Variants in KCNQ1 observed in about 807,000 individuals in gnomAD.
The protein encoded by KCNQ1 is potassium voltage-gated channel subfamily KQT member 1.
In KCNQ1, 49 loss-of-function variants were observed where a neutral mutation model predicts 72.4. The observed-to-expected ratio is 0.68, with a 90% CI of 0.54 to 0.86. The LOEUF is 0.86. Among genes scored for constraint, KCNQ1 ranks in the 40% least tolerant of loss-of-function variants. The probability of loss-of-function intolerance (pLI) is 0.00; values close to 1 mark genes in which losing one functional copy is unlikely to be tolerated. For missense variants in KCNQ1, 790 were observed against 945.1 expected, an observed-to-expected ratio of 0.84 and a Z score of 2.15; for synonymous variants, 450 against 412.6, an observed-to-expected ratio of 1.09 and a Z score of -1.10.
At position 2,723,226 on chromosome 11, in the gene KCNQ1, C is replaced by G. The variant is rs1297300928; in HGVS notation, c.1515-45618C>G. ...GTGCTCCACACACCTGCCACAGCTGCTTACCCCACTCCCTGCCGCCCTGGA... is the reference window on the plus strand; with the variant it reads ...GTGCTCCACACACCTGCCACAGCTGGTTACCCCACTCCCTGCCGCCCTGGA... On this transcript the variant is annotated intron_variant, in intron 11 of 15. Coordinates refer to ENST00000155840, the MANE Select transcript of KCNQ1 (RefSeq NM_000218.3). This position sits in a 1 kb window ranked among gnomAD's most constrained non-coding sequence, Gnocchi z 4.2. Among the ~76,000 whole-genome samples, 1 of 152,246 alleles carries G rather than the reference C, an allele frequency of 6.6e-6. No individual in the cohort carries two copies. Among genetic ancestry groups the G allele is most frequent in the Non-Finnish European group, 1.5e-5 (1 of 68,048 alleles).
chr11:2,641,101 C>G (rs1052329061), intron 10 of KCNQ1: 38 of 398,272 alleles, frequency 9.5e-5, no homozygotes, highest in Admixed American at 6.2e-4. Flanking sequence ...CATATCTTTG[C>G]TGTTGTGAAT....
chr11:2,646,451 T>C (rs1297413326), intron 10 of KCNQ1: 2 of 398,544 alleles, frequency 5.0e-6, no homozygotes, highest in Non-Finnish European at 8.8e-6. Flanking sequence ...TTTTTGTAGC[T>C]ATTGCAAATG....
rs1303594642 is a variant in KCNQ1 at position 2,515,441 on chromosome 11, CT to C, written c.387-12486del. Among the ~76,000 whole-genome samples the C allele has an allele frequency of 4.6e-5, 7 of 152,194 alleles. No homozygotes were observed. The highest frequency in any genetic ancestry group is 1.7e-4 in the African/African-American group (7 of 41,452). On this transcript the variant is annotated intron_variant, in intron 1 of 15. Coordinates refer to ENST00000155840, the MANE Select transcript of KCNQ1 (RefSeq NM_000218.3). The surrounding 1 kb of genome is among the most constrained non-coding windows in gnomAD (Gnocchi z 4.7). ...CAGGGGCGGGGAGGCCTGTCCACCC[CT>C]CCCACCCGTCCCCGAGGCCCCTGCT...
rs186210590 is a variant in KCNQ1 at position 2,791,194 on chromosome 11, G to A, written c.1794+13157G>A. Among the ~76,000 whole-genome samples, 575 of 152,394 alleles carry A rather than the reference G, an allele frequency of 3.8e-3. 2 individuals carry two copies. Among genetic ancestry groups the A allele is most frequent in the Non-Finnish European group, 6.6e-3 (450 of 68,038 alleles). ...TGGGATAGGACAGCAGGCGGCAGGG[G>A]CGTGTCAGGTGCCCGAGCAGGACGG... is the stretch of plus-strand genomic sequence containing the variant. On this transcript the variant is annotated intron_variant, in intron 15 of 15. Transcript: ENST00000155840.
intron 10 of KCNQ1, chr11:2,625,447 T>C (rs796969270): frequency 5.0e-6 from 2 of 398,560 alleles, no homozygotes; most frequent in African/African-American, 4.1e-5. Flanking sequence ...TTAATAGTAG[T>C]CATCTGAGTG....
intron 10 of KCNQ1, chr11:2,618,727 A>G (rs547001573): frequency 7.8e-5 from 31 of 398,376 alleles, no homozygotes; most frequent in Non-Finnish European, 1.3e-4. Flanking sequence ...AAAATTTTCC[A>G]TGGGATTTTG....
rs1401582042 is a variant in KCNQ1, at chr11:2,555,427, G to A, written c.478-15201G>A. Among the ~76,000 whole-genome samples, 3 of 152,220 alleles carry A rather than the reference G, an allele frequency of 2.0e-5. No individual in the cohort carries two copies. The East Asian group carries it at 5.8e-4, about 29-fold the overall frequency. ...TCCTCGTTTAACTGGCCTGGAGACG[G>A]AAACAGCCCTGCCTGGGGAAGATGG... On this transcript the variant is annotated intron_variant, in intron 2 of 15. Coordinates refer to ENST00000155840, the MANE Select transcript of KCNQ1 (RefSeq NM_000218.3).
rs1221367269 is a variant in KCNQ1, at chr11:2,678,071, A to T, written c.1514+15990A>T. On this transcript the variant is annotated intron_variant, in intron 11 of 15. Coordinates refer to ENST00000155840, the MANE Select transcript of KCNQ1 (RefSeq NM_000218.3). This position sits in a 1 kb window ranked among gnomAD's most constrained non-coding sequence, Gnocchi z 4.9. ...CTTCATACCCTTTGGACTTTGTAAA[A>T]TACCTTGTCTTACTGATTTGTAGAA... The T allele has an allele frequency of 5.0e-6, 2 of 398,400 alleles. No individual in the cohort carries two copies. The highest frequency in any genetic ancestry group is 7.1e-5 in the East Asian group (2 of 28,012). The allele number at this position is 398,400 out of a possible 1,614,324, so 24.7% of individuals were successfully genotyped here.
At chr11:2,584,252 T>C (rs563933134) in intron 7 of KCNQ1, among the ~76,000 whole-genome samples, 3 of 70,314 alleles carry the variant, frequency 4.3e-5, no homozygotes. Flanking sequence ...GTCACAGGTA[T>C]GTATCCTATA....
At position 2,491,401 on chromosome 11, in the gene KCNQ1, T is replaced by G. The variant is rs893631137; in HGVS notation, c.387-36527T>G. Among the ~76,000 whole-genome samples, 7 of 152,086 alleles carry G rather than the reference T, an allele frequency of 4.6e-5. No individual in the cohort carries two copies. Among genetic ancestry groups the G allele is most frequent in the African/African-American group, 1.4e-4 (6 of 41,404 alleles). ...GATAAATTTAATAAAGAGATTAAAA[T>G]AAGAATCAAGCAGAAATTCTGGAGT... is the stretch of plus-strand genomic sequence containing the variant. On this transcript the variant is annotated intron_variant, in intron 1 of 15. Coordinates refer to ENST00000155840, the MANE Select transcript of KCNQ1 (RefSeq NM_000218.3). This position sits in a 1 kb window ranked among gnomAD's most constrained non-coding sequence, Gnocchi z 4.1.
rs376317921 is a variant in KCNQ1 at position 2,777,048 on chromosome 11, A to G, written c.1732+16A>G. ...TCCGTCTCAGGTGGGTTTCTGTGTC[A>G]GTTACTCTGGGCCCAGCAGCCTGCA... On this transcript the variant is annotated intron_variant, in intron 14 of 15. Coordinates refer to ENST00000155840, the MANE Select transcript of KCNQ1 (RefSeq NM_000218.3). 1.2e-6 allele frequency: 2 copies of G among 1,613,816 alleles called. No homozygotes were observed. Among genetic ancestry groups the G allele is most frequent in the Non-Finnish European group, 1.7e-6 (2 of 1,179,730 alleles).
rs181963281 is a variant in KCNQ1 at position 2,824,727 on chromosome 11, G to A, written c.1795-23040G>A. Among the ~76,000 whole-genome samples, 3 of 152,296 alleles carry A rather than the reference G, an allele frequency of 2.0e-5. No individual in the cohort carries two copies. In the East Asian group the frequency reaches 5.8e-4, roughly 29 times the overall value. ...GGTGGCGGGAAGAAGACAGTCAGGA[G>A]CTTGGGCATCCTAGAGGCCCCCGGG... is the stretch of plus-strand genomic sequence containing the variant. On this transcript the variant is annotated intron_variant, in intron 15 of 15. Coordinates refer to ENST00000155840, the MANE Select transcript of KCNQ1 (RefSeq NM_000218.3). The surrounding 1 kb of genome is among the most constrained non-coding windows in gnomAD (Gnocchi z 5.9).
chr11:2,842,471 C>T (rs914229925), intron 15 of KCNQ1, among the ~76,000 whole-genome samples: 10 of 152,350 alleles, frequency 6.6e-5, no homozygotes, highest in African/African-American at 2.4e-4. Context: ...AGGGGGTGCT[C>T]ACCTCTGTGG....
Position 2,446,761 on chromosome 11 carries a change from C to A in KCNQ1, c.386+1277C>A, listed in dbSNP as rs942167664. On this transcript the variant is annotated intron_variant, in intron 1 of 15. Coordinates refer to ENST00000155840, the MANE Select transcript of KCNQ1 (RefSeq NM_000218.3). This position sits in a 1 kb window ranked among gnomAD's most constrained non-coding sequence, Gnocchi z 8.8. The stretch of plus-strand genomic sequence containing the variant: ...ACTTTTCCCCACCCCAGCTCCCAAG[C>A]CCCTGTCTCCTGACATGTCAGTGGG... Among the ~76,000 whole-genome samples the A allele has an allele frequency of 6.6e-6, 1 of 152,224 alleles. No homozygotes were observed. The highest frequency in any genetic ancestry group is 1.5e-5 in the Non-Finnish European group (1 of 68,042).
At position 2,471,862 on chromosome 11, in the gene KCNQ1, TTATG is replaced by T. The variant is rs753372698; in HGVS notation, c.386+26383_386+26386del. On this transcript the variant is annotated intron_variant, in intron 1 of 15. Coordinates refer to ENST00000155840, the MANE Select transcript of KCNQ1 (RefSeq NM_000218.3). The surrounding 1 kb of genome is among the most constrained non-coding windows in gnomAD (Gnocchi z 4.8). The stretch of plus-strand genomic sequence containing the variant: ...CCTATGTGTGTATAGGTGTGTGTGT[TTATG>T]TATGGGTGTGTGTGCACATGTGTAT... 4.4e-3 allele frequency among the ~76,000 whole-genome samples: 653 copies of T among 147,264 alleles called. 1 individual carries two copies. Among genetic ancestry groups the T allele is most frequent in the African/African-American group, 0.015 (593 of 39,484 alleles).
In KCNQ1 at chr11:2,526,339, A is replaced by G. The variant is rs1213911706; in HGVS notation, c.387-1589A>G. On this transcript the variant is annotated intron_variant, in intron 1 of 15. Transcript: ENST00000155840. This position sits in a 1 kb window ranked among gnomAD's most constrained non-coding sequence, Gnocchi z 6.1. ...GGGTTCGGCTCTGCAGGTAGAGCTG[A>G]CCGGTGTGGCAGGGACAGGGTGTCG... Among the ~76,000 whole-genome samples the G allele has an allele frequency of 6.6e-6, 1 of 151,746 alleles. No individual in the cohort carries two copies. Among genetic ancestry groups the G allele is most frequent in the Non-Finnish European group, 1.5e-5 (1 of 67,906 alleles).
At chr11:2,643,038 T>G (rs1368321957) in intron 10 of KCNQ1, 1 of 397,888 alleles carries the variant, frequency 2.5e-6, no homozygotes, top group Non-Finnish European at 4.4e-6. Context: ...TGAATCCAAT[T>G]TAAAATATAT....
chr11:2,517,860 T>C (rs553869310), intron 1 of KCNQ1, among the ~76,000 whole-genome samples: 37 of 152,284 alleles, frequency 2.4e-4, no homozygotes, highest in Admixed American at 1.8e-3. Context: ...GCATGCAGCC[T>C]GGGGGTGAGG....
Position 2,690,755 on chromosome 11 carries a change from T to C in KCNQ1, c.1514+28674T>C. On this transcript the variant is annotated intron_variant, in intron 11 of 15. Coordinates refer to ENST00000155840, the MANE Select transcript of KCNQ1 (RefSeq NM_000218.3). This position sits in a 1 kb window ranked among gnomAD's most constrained non-coding sequence, Gnocchi z 5.1. ...AGATGGAGTATGATCCCAAATCCCT[T>C]AGGTGGATGTGGCCTGGCAGGGGGT... 1 of 398,602 alleles carries C rather than the reference T, an allele frequency of 2.5e-6. No homozygotes were observed. Among genetic ancestry groups the C allele is most frequent in the East Asian group, 3.6e-5 (1 of 28,070 alleles). The allele number at this position is 398,602 out of a possible 1,614,324, so 24.7% of individuals were successfully genotyped here. A position where few individuals can be genotyped will look rare whatever the true frequency, so the allele number is the denominator to read the frequency against.
Sources: gnomAD v4.1 joint callset for allele counts (sites outside exome capture counted in the v4.1 genomes callset) on GRCh38, gnomAD v4.1.1 for gene constraint, Gnocchi (gnomAD v3.1) non-coding constraint, MANE v1.5 for transcripts, NCBI Gene and HGNC (gene_info 2026-07-23, HGNC 2026-07-21) for gene names.